PTPRU: variants seen among roughly 807,000 people sequenced by gnomAD.
PTPRU encodes protein tyrosine phosphatase receptor type U.
A neutral mutation model predicts 166.3 loss-of-function variants in PTPRU; 69 were observed. The ratio of observed to expected loss-of-function variants is 0.41; its 90% CI spans 0.34 to 0.51. PTPRU has a LOEUF of 0.51. PTPRU is among the 20% of genes least tolerant of loss of function. The pLI is 0.09. For missense variants in PTPRU, 1,657 were observed against 2,013.7 expected (o/e 0.82, Z 3.39); for synonymous variants, 793 against 814.0 (o/e 0.97, Z 0.44).
intron 15 of PTPRU, among the ~76,000 whole-genome samples, chr1:29,298,112 G>A (rs1377879693): frequency 1.3e-5 from 2 of 152,092 alleles, no homozygotes; most frequent in African/African-American, 4.8e-5. Context: ...ACAAAAATTA[G>A]CCAGGGATGG....
At chr1:29,288,101 G>C (rs1165075473) in intron 14 of PTPRU, among the ~76,000 whole-genome samples, 2 of 152,156 alleles carry the variant, frequency 1.3e-5, no homozygotes, top group African/African-American at 4.8e-5. Context: ...AGGCCTACCT[G>C]AGCCACCATG....
intron 1 of PTPRU, among the ~76,000 whole-genome samples, chr1:29,244,088 G>T (rs1364620667): frequency 6.6e-6 from 1 of 152,202 alleles, no homozygotes; most frequent in African/African-American, 2.4e-5. Context: ...TTTGAGGGCA[G>T]AAGCTGGGGA....
In PTPRU at chr1:29,260,366, A is replaced by G; in HGVS notation, c.851-244A>G. 1 of 467,708 alleles carries G rather than the reference A, an allele frequency of 2.1e-6. No homozygotes were observed. The highest frequency in any genetic ancestry group is 3.7e-6 in the Non-Finnish European group (1 of 272,184). The allele number at this position is 467,708 out of a possible 1,614,324, so 29.0% of individuals were successfully genotyped here. A position where few individuals can be genotyped will look rare whatever the true frequency, so the allele number is the denominator to read the frequency against. On this transcript the variant is annotated intron_variant, in intron 6 of 29. Transcript: ENST00000373779. This position sits in a 1 kb window ranked among gnomAD's most constrained non-coding sequence, Gnocchi z 8.3. ...CCAGGAGGCGAGGATGTGGGGGATT[A>G]GGAGGGGCCTGAGAGAGGGGTTGTG... is the stretch of plus-strand genomic sequence containing the variant.
intron 25 of PTPRU, among the ~76,000 whole-genome samples, chr1:29,318,454 C>T (rs953322098): frequency 2.0e-5 from 3 of 152,218 alleles, no homozygotes; most frequent in African/African-American, 7.2e-5. Flanking sequence ...TTGCAAGCAG[C>T]TCAGGAGATG....
intron 28 of PTPRU, among the ~76,000 whole-genome samples, chr1:29,324,173 C>T (rs1688297865): frequency 6.6e-6 from 1 of 152,046 alleles, no homozygotes; most frequent in African/African-American, 2.4e-5. Context: ...TCCACCCATC[C>T]ATCCATCCAT....
In PTPRU at chr1:29,315,250, C is replaced by A; in HGVS notation, c.3228-122C>A. ...GGCTCCTTACTCGGGGAGGGGCAGT[C>A]ATCTCTGTGTCCGTGTCCCCTGTAT... On this transcript the variant is annotated intron_variant, in intron 22 of 29. Coordinates refer to ENST00000373779, the MANE Select transcript of PTPRU (RefSeq NM_133178.4). This position sits in a 1 kb window ranked among gnomAD's most constrained non-coding sequence, Gnocchi z 4.5. 2 of 1,250,494 alleles carry A rather than the reference C, an allele frequency of 1.6e-6. No homozygotes were observed. Among genetic ancestry groups the A allele is most frequent in the East Asian group, 2.4e-5 (1 of 41,054 alleles). The allele number at this position is 1,250,494 out of a possible 1,614,324, so 77.5% of individuals were successfully genotyped here.
Position 29,277,803 on chromosome 1 carries a change from C to CTTTTTTTTTTTTTTT in PTPRU, c.1454-1190_1454-1176dup, listed in dbSNP as rs71586898. 1.7e-3 allele frequency among the ~76,000 whole-genome samples: 85 copies of CTTTTTTTTTTTTTTT among 50,586 alleles called. 19 individuals are homozygous for CTTTTTTTTTTTTTTT. The highest frequency in any genetic ancestry group is 2.1e-3 in the Non-Finnish European group (63 of 30,354). 33.2% of individuals were successfully genotyped at this position (50,586 alleles called of 152,430 possible). A position where few individuals can be genotyped will look rare whatever the true frequency, so the allele number is the denominator to read the frequency against. ...ACCATCTGGCTTCACAGTTGTCATT[C>CTTTTTTTTTTTTTTT]TTTTTTTTTTTTTTTTTTTTTTTTT... is the stretch of plus-strand genomic sequence containing the variant. On this transcript the variant is annotated intron_variant, in intron 8 of 29. Coordinates refer to ENST00000373779, the MANE Select transcript of PTPRU (RefSeq NM_133178.4).
At chr1:29,254,654 G>A (rs530995396) in intron 1 of PTPRU, among the ~76,000 whole-genome samples, 4 of 152,198 alleles carry the variant, frequency 2.6e-5, no homozygotes, top group Non-Finnish European at 5.9e-5. Context: ...ATTTAGCATT[G>A]TGCCCGGCTT....
intron 1 of PTPRU, among the ~76,000 whole-genome samples, chr1:29,252,413 A>G (rs1179518942): frequency 6.6e-6 from 1 of 151,918 alleles, no homozygotes; most frequent in African/African-American, 2.4e-5. Context: ...GACTATAGGC[A>G]TGCGCCACCA....
At chr1:29,288,857 G>A (rs1223933469) in intron 14 of PTPRU, among the ~76,000 whole-genome samples, 8 of 152,150 alleles carry the variant, frequency 5.3e-5, no homozygotes, top group African/African-American at 7.2e-5. Flanking sequence ...CAGCTTCCCC[G>A]CCTATGAAAT....
At chr1:29,312,847 C>A in intron 22 of PTPRU, 141 bp downstream of exon 22, 1 of 1,110,948 alleles carries the variant, frequency 9.0e-7, no homozygotes, top group Non-Finnish European at 1.2e-6. Context: ...AGGGAACGAC[C>A]CCCAAAGGCC....
At chr1:29,323,047 A>G (rs371456827) in intron 26 of PTPRU, among the ~76,000 whole-genome samples, 1 of 152,228 alleles carries the variant, frequency 6.6e-6, no homozygotes, top group Non-Finnish European at 1.5e-5. Context: ...TCCTGGAAGC[A>G]GGCAGCCTCA....
In PTPRU at chr1:29,257,585, C is replaced by T. The variant is rs1385085784; in HGVS notation, c.206-920C>T. 1.3e-5 allele frequency among the ~76,000 whole-genome samples: 2 copies of T among 152,216 alleles called. No homozygotes were observed. The highest frequency in any genetic ancestry group is 4.8e-5 in the African/African-American group (2 of 41,444). ...CCTGGGTCTCTGGGGAAGGGACAGG[C>T]TGCCTTTCTCCAGGTTGGAAGTCAA... is the stretch of plus-strand genomic sequence containing the variant. On this transcript the variant is annotated intron_variant, in intron 2 of 29. Transcript: ENST00000373779. This position sits in a 1 kb window ranked among gnomAD's most constrained non-coding sequence, Gnocchi z 4.6.
intron 28 of PTPRU, among the ~76,000 whole-genome samples, chr1:29,324,592 G>A (rs1688316680): frequency 1.3e-5 from 2 of 152,206 alleles, no homozygotes; most frequent in African/African-American, 2.4e-5. Flanking sequence ...CTTGCTCTCT[G>A]GGTACGCGCT....
intron 25 of PTPRU, among the ~76,000 whole-genome samples, chr1:29,319,855 ACAGGGTGGGG>A (rs1688073963): frequency 1.3e-5 from 2 of 151,910 alleles, no homozygotes; most frequent in Admixed American, 6.5e-5. Flanking sequence ...GGGACATGGC[ACAGGGTGGGG>A]CAGGGCAGGT....
intron 26 of PTPRU, among the ~76,000 whole-genome samples, chr1:29,321,768 T>C (rs537205063): frequency 6.6e-6 from 1 of 152,378 alleles, no homozygotes; most frequent in Non-Finnish European, 1.5e-5. Flanking sequence ...CTGCTGTGTC[T>C]GCTGCACAGT....
Position 29,305,404 on chromosome 1 carries a change from C to T in PTPRU, c.2796C>T (p.Asp932=). The change falls in exon 18 of 30, where the codon GAC becomes GAT. Residue 932 remains aspartate (D), a synonymous_variant. Transcript: ENST00000373779. The part of the protein sequence containing the change: ...LHPMLGDPNA[D]YINANYIDGY... ...CGATGCTGGGAGACCCCAATGCCGA[C>T]TACATTAATGCCAACTACATAGATG... 6.2e-7 allele frequency: 1 copy of T among 1,613,938 alleles called. No homozygotes were observed. Among genetic ancestry groups the T allele is most frequent in the South Asian group, 1.1e-5 (1 of 91,086 alleles).
chr1:29,244,876 C>A (rs925541029), intron 1 of PTPRU, among the ~76,000 whole-genome samples: 6 of 152,120 alleles, frequency 3.9e-5, no homozygotes, highest in Non-Finnish European at 5.9e-5. Flanking sequence ...TATTTGCATG[C>A]GTGCGGTCAT....
chr1:29,325,610 C>T lies in PTPRU; in HGVS notation c.4260C>T (p.His1420=). ...CTTCCTCTCCCCAGGATCAGTACCA[C>T]TTTTGCTACGATGTGGCCCTGGAGT... is the stretch of plus-strand genomic sequence containing the variant. The part of the protein sequence containing the change: ...PNMVETMDQY[H]FCYDVALEYL... Residue 1420 remains histidine (H), a synonymous_variant, in exon 30 of 30, where the codon CAC becomes CAT. Coordinates refer to ENST00000373779, the MANE Select transcript of PTPRU (RefSeq NM_133178.4). 6.2e-7 allele frequency: 1 copy of T among 1,612,884 alleles called. No individual in the cohort carries two copies. Among genetic ancestry groups the T allele is most frequent in the Non-Finnish European group, 8.5e-7 (1 of 1,178,898 alleles).
Sources: allele counts gnomAD v4.1 joint callset (sites outside exome capture counted in the v4.1 genomes callset), GRCh38; gene constraint gnomAD v4.1.1; non-coding constraint Gnocchi (gnomAD v3.1); transcripts MANE v1.5; gene names NCBI Gene and HGNC (gene_info 2026-07-23, HGNC 2026-07-21).